Variants in ADCY10 observed in about 807,000 individuals in gnomAD.
ADCY10 encodes the protein adenylate cyclase 10.
In ADCY10, 156 loss-of-function variants were observed where a neutral mutation model predicts 183.3. The ratio of observed to expected loss-of-function variants is 0.85; its 90% CI spans 0.75 to 0.97. ADCY10 has a LOEUF of 0.97. Ranked by LOEUF, ADCY10 falls within the 50% of genes least tolerant of loss-of-function variation. ADCY10 has a pLI of 0.00. For synonymous variants in ADCY10, 645 were observed against 670.0 expected, an observed-to-expected ratio of 0.96 and a Z score of 0.58; for missense variants, 1,745 against 1,934.3, an observed-to-expected ratio of 0.90 and a Z score of 1.84.
intron 29 of ADCY10, 106 bp downstream of exon 29, chr1:167,822,902 A>G (rs149338787): frequency 1.7e-5 from 16 of 958,418 alleles, no homozygotes; most frequent in Non-Finnish European, 2.5e-5. Flanking sequence ...TAAGTCCACC[A>G]GCCAGAAACC....
intron 8 of ADCY10, among the ~76,000 whole-genome samples, chr1:167,892,956 A>C (rs1385875322): frequency 2.6e-5 from 4 of 152,242 alleles, no homozygotes; most frequent in Non-Finnish European, 5.9e-5. Context: ...TCATGCATAT[A>C]AAATGAGGAT....
At chr1:167,872,143 A>G (rs1667150092) in intron 13 of ADCY10, among the ~76,000 whole-genome samples, 1 of 152,160 alleles carries the variant, frequency 6.6e-6, no homozygotes, top group Admixed American at 6.5e-5. Flanking sequence ...GGAGTTCGAG[A>G]CCAGCCTCAA....
intron 13 of ADCY10, among the ~76,000 whole-genome samples, chr1:167,872,950 A>G (rs1382971192): frequency 6.6e-6 from 1 of 151,712 alleles, no homozygotes; most frequent in African/African-American, 2.4e-5. Context: ...TGCACCTGTA[A>G]TCCCAGCTAC....
At position 167,818,221 on chromosome 1, in the gene ADCY10, T is replaced by C. The variant is rs1221963534; in HGVS notation, c.4333A>G (p.Arg1445Gly). The change falls in exon 31 of 33, where the codon AGA becomes GGA. Residue 1445 changes from arginine to glycine, a missense_variant. Transcript: ENST00000367851. ...EWDNFYKFSN[R>G]AKNLLPRRTM... ...CTTCTTGGCAAAAGATTTTTAGCTC[T>C]ATTGGAAAATTTGTAAAAGTTGTCC... 2 of 1,614,092 alleles carry C rather than the reference T, an allele frequency of 1.2e-6. No individual in the cohort carries two copies. The highest frequency in any genetic ancestry group is 2.7e-5 in the African/African-American group (2 of 74,944).
intron 21 of ADCY10, among the ~76,000 whole-genome samples, chr1:167,840,231 CAA>C (rs112637652): frequency 7.4e-6 from 1 of 135,944 alleles, no homozygotes; most frequent in African/African-American, 2.7e-5. Context: ...GACCCTGTCT[CAA>C]AAAAAAAAAA....
At position 167,896,710 on chromosome 1, in the gene ADCY10, G is replaced by T; in HGVS notation, c.643-19C>A. ...AGTTAACCTAAATAAAAGCAAATGA[G>T]AAGTTTTCAGTTATTCTGAGAACTG... On this transcript the variant is annotated intron_variant, in intron 6 of 32. Transcript: ENST00000367851. 6.7e-7 allele frequency: 1 copy of T among 1,498,526 alleles called. No individual in the cohort carries two copies. Among genetic ancestry groups the T allele is most frequent in the South Asian group, 1.1e-5 (1 of 88,622 alleles). 92.8% of individuals were successfully genotyped at this position (1,498,526 alleles called of 1,614,324 possible).
chr1:167,875,186 G>C lies in ADCY10; in HGVS notation c.1407C>G (p.Val469=). ...LYQYWGRTEK[V]MFGMACLICN... is the part of the protein sequence containing the mutation. ...AGATGAGGCACGCCATACCAAACATGCTGAAGAGAAGAACAAAAGAACAGA... is the reference window on the plus strand; with the variant it reads ...AGATGAGGCACGCCATACCAAACATCCTGAAGAGAAGAACAAAAGAACAGA... Residue 469 remains valine (V), a splice_region_variant and synonymous_variant, in exon 13 of 33, where the codon GTC becomes GTG. Coordinates refer to ENST00000367851, the MANE Select transcript of ADCY10 (RefSeq NM_018417.6). 6.2e-7 allele frequency: 1 copy of C among 1,614,014 alleles called. No homozygotes were observed. The highest frequency in any genetic ancestry group is 8.5e-7 in the Non-Finnish European group (1 of 1,179,868).
chr1:167,842,545 A>G (rs1444344562), intron 21 of ADCY10, among the ~76,000 whole-genome samples: 8 of 151,948 alleles, frequency 5.3e-5, no homozygotes, highest in Non-Finnish European at 4.4e-5. Context: ...CAGAGTATCT[A>G]TCTGTCTAGG....
At chr1:167,858,987 T>A (rs528033438) in intron 16 of ADCY10, among the ~76,000 whole-genome samples, 3 of 152,174 alleles carry the variant, frequency 2.0e-5, no homozygotes, top group Admixed American at 1.3e-4. Context: ...GACTTGGCAG[T>A]GAGTAAATGC....
chr1:167,847,937 G>GC (rs1434695420), intron 19 of ADCY10, among the ~76,000 whole-genome samples: 1 of 152,200 alleles, frequency 6.6e-6, no homozygotes, highest in African/African-American at 2.4e-5. Flanking sequence ...CCTTCTCACT[G>GC]CTTCAGGCAG....
intron 7 of ADCY10, among the ~76,000 whole-genome samples, chr1:167,894,706 G>A (rs1668836581): frequency 6.6e-6 from 1 of 152,122 alleles, no homozygotes; most frequent in African/African-American, 2.4e-5. Flanking sequence ...GCACTTTGCT[G>A]AGTTCTGTGA....
chr1:167,869,345 C>A (rs1451977490), intron 14 of ADCY10, among the ~76,000 whole-genome samples: 1 of 152,186 alleles, frequency 6.6e-6, no homozygotes, highest in Non-Finnish European at 1.5e-5. Context: ...CACTATCAAT[C>A]TATTGCACAA....
Position 167,810,789 on chromosome 1 carries a change from G to A in ADCY10, c.4607C>T (p.Thr1536Ile). ...DGQKCGLFLN[T>I]ALRLSETQGN... ...CTGTGTTTCAGAGAGCCGCAAGGCT[G>A]TGTTCAGGAAGAGGCCACATTTCTG... The change falls in exon 32 of 33, where the codon ACA becomes ATA. Residue 1536 changes from threonine (T) to isoleucine (I), a missense_variant. Coordinates refer to ENST00000367851, the MANE Select transcript of ADCY10 (RefSeq NM_018417.6). 26 of 1,614,212 alleles carry A rather than the reference G, an allele frequency of 1.6e-5. No individual in the cohort carries two copies. The highest frequency in any genetic ancestry group is 2.2e-5 in the Non-Finnish European group (26 of 1,180,046).
In ADCY10 at chr1:167,880,119, G is replaced by A; in HGVS notation, c.1212C>T (p.Tyr404=). Reference sequence around the variant, plus strand: ...AGATGAGCTGACCCAGCACACCTGTGTACTCGTGTCTCACAGTGTGTCCAA... The same window carrying A: ...AGATGAGCTGACCCAGCACACCTGTATACTCGTGTCTCACAGTGTGTCCAA... The part of the protein sequence containing the change: ...GIVGHTVRHE[Y]TVIGQKVNLA... Residue 404 remains tyrosine (Y), a synonymous_variant, in exon 11 of 33, where the codon TAC becomes TAT. Transcript: ENST00000367851. 4 of 1,611,838 alleles carry A rather than the reference G, an allele frequency of 2.5e-6. No individual in the cohort carries two copies. The highest frequency in any genetic ancestry group is 3.4e-6 in the Non-Finnish European group (4 of 1,179,216).
At chr1:167,889,876 T>C (rs1571415943) in intron 8 of ADCY10, among the ~76,000 whole-genome samples, 1 of 152,356 alleles carries the variant, frequency 6.6e-6, no homozygotes, top group Non-Finnish European at 1.5e-5. Context: ...TTATCAGTTG[T>C]AATGTCTCCT....
In ADCY10 at chr1:167,893,877, A is replaced by T; in HGVS notation, c.804T>A (p.Tyr268Ter). Residue 268 changes from tyrosine (Y) to a stop codon, truncating the protein, a stop_gained, in exon 8 of 33, where the codon TAT (tyrosine) becomes TAA (stop). Coordinates refer to ENST00000367851, the MANE Select transcript of ADCY10 (RefSeq NM_018417.6). LOFTEE classifies it high-confidence loss of function. ...CCTGCTTCAAAATGCTTTCCATCAC[A>T]TACTTTTGTAGGGACATCTCCAGTT... ...DPELEMSLQK[Y>*]VMESILKQID... 1 of 1,613,512 alleles carries T rather than the reference A, an allele frequency of 6.2e-7. No homozygotes were observed. The highest frequency in any genetic ancestry group is 8.5e-7 in the Non-Finnish European group (1 of 1,179,728).
At chr1:167,893,727 T>G in intron 8 of ADCY10, 126 bp downstream of exon 8, 5 of 594,564 alleles carry the variant, frequency 8.4e-6, no homozygotes, top group South Asian at 1.7e-5. Flanking sequence ...AAAGGAAGTC[T>G]TTTTATTTTA....
intron 6 of ADCY10, among the ~76,000 whole-genome samples, chr1:167,897,556 GATGCAGA>G (rs1414601792): frequency 0.071 from 1 of 14 alleles, no homozygotes; most frequent in African/African-American, 0.17. Context: ...TGTTGTTGGA[GATGCAGA>G]AGAGATGAGA....
In ADCY10 at chr1:167,848,430, T is replaced by C. The variant is rs1571294959; in HGVS notation, c.2368A>G (p.Ser790Gly). The change falls in exon 19 of 33, where the codon AGT becomes GGT. Residue 790 changes from serine (S) to glycine (G), a missense_variant. Ser to Gly is a moderately conservative substitution (Grantham distance 56). Coordinates refer to ENST00000367851, the MANE Select transcript of ADCY10 (RefSeq NM_018417.6). ...NMVTLHSDKE[S>G]EEVCHLTSGV... The stretch of plus-strand genomic sequence containing the variant: ...CTTGTGAGGTGACAGACTTCTTCAC[T>C]TTCCTTATCACTATGGAGAGTAACC... 2 of 1,613,980 alleles carry C rather than the reference T, an allele frequency of 1.2e-6. No homozygotes were observed. Among genetic ancestry groups the C allele is most frequent in the Non-Finnish European group, 8.5e-7 (1 of 1,179,870 alleles).
Sources: gnomAD v4.1 joint callset for allele counts (sites outside exome capture counted in the v4.1 genomes callset) on GRCh38, gnomAD v4.1.1 for gene constraint, MANE v1.5 for transcripts, NCBI Gene and HGNC (gene_info 2026-07-23, HGNC 2026-07-21) for gene names.